RHOBTB2: variants seen among roughly 807,000 people sequenced by gnomAD.
The protein encoded by RHOBTB2 is Rho related BTB domain containing 2.
RHOBTB2 carries 39 observed loss-of-function variants against 66.5 expected under a neutral mutation model. The ratio of observed to expected loss-of-function variants is 0.59; its 90% CI spans 0.45 to 0.77. The LOEUF is 0.77. Among genes scored for constraint, RHOBTB2 ranks in the 30% least tolerant of loss-of-function variants. The pLI, the probability that RHOBTB2 is intolerant of heterozygous loss-of-function variation, is 0.00. For missense variants in RHOBTB2, 755 were observed against 999.1 expected, an observed-to-expected ratio of 0.76 and a Z score of 3.29; for synonymous variants, 390 against 395.0, an observed-to-expected ratio of 0.99 and a Z score of 0.15.
chr8:22,997,669 G>C (rs540397281), upstream of RHOBTB2, among the ~76,000 whole-genome samples: 1 of 152,286 alleles, frequency 6.6e-6, no homozygotes, highest in South Asian at 2.1e-4. Flanking sequence ...GGGTGGACGG[G>C]AGTTCTGTCT....
In RHOBTB2 at chr8:23,015,639, T is replaced by G; in HGVS notation, c.1862T>G (p.Phe621Cys). ...GACGTTCTTCCCTTCTGTCCCCAGTTCCACTGTGCGTACCAGCTGGCCGAC... is the reference window on the plus strand; with the variant it reads ...GACGTTCTTCCCTTCTGTCCCCAGTGCCACTGTGCGTACCAGCTGGCCGAC... ...DVLVFLELAQ[F>C]HCAYQLADWC... The change falls in exon 9 of 10, where the codon TTC becomes TGC. Residue 621 changes from phenylalanine to cysteine, a missense_variant and splice_region_variant. Around this residue, in one of 7 missense-constraint regions of RHOBTB2, gnomAD observed 353 missense variants for 458.2 expected, o/e 0.77. Transcript: ENST00000251822. The G allele has an allele frequency of 6.2e-7, 1 of 1,610,618 alleles. No homozygotes were observed. Among genetic ancestry groups the G allele is most frequent in the Non-Finnish European group, 8.5e-7 (1 of 1,176,954 alleles).
chr8:22,973,707 T>C, the RHOBTB2 span, among the ~76,000 whole-genome samples: 2 of 152,066 alleles, frequency 1.3e-5, no homozygotes, highest in Non-Finnish European at 2.9e-5. Context: ...CATTATATAA[T>C]GAAAATCTCC....
upstream of RHOBTB2, among the ~76,000 whole-genome samples, chr8:22,995,097 T>A (rs542246295): frequency 1.2e-4 from 19 of 152,340 alleles, no homozygotes; most frequent in Non-Finnish European, 2.5e-4. Flanking sequence ...CATTATCTTT[T>A]TTAAAAATTT....
chr8:22,969,117 G>T, the RHOBTB2 span, among the ~76,000 whole-genome samples: 2 of 152,276 alleles, frequency 1.3e-5, no homozygotes, highest in African/African-American at 4.8e-5. Context: ...CACAATCATG[G>T]CGGAAGGTGA....
intron 7 of RHOBTB2, 131 bp downstream of exon 7, chr8:23,010,819 A>G: frequency 1.9e-6 from 2 of 1,040,068 alleles, no homozygotes. Context: ...CATGAAATGG[A>G]ATCTGTTGAC....
At position 23,007,727 on chromosome 8, in the gene RHOBTB2, G is replaced by A. The variant is rs1304390222; in HGVS notation, c.1482G>A (p.Leu494=). Residue 494 remains leucine (L), a synonymous_variant, in exon 5 of 10, where the codon TTG becomes TTA. Coordinates refer to ENST00000251822, the MANE Select transcript of RHOBTB2 (RefSeq NM_015178.3). The stretch of plus-strand genomic sequence containing the variant: ...GGACCAACCGGGTTAAGGAGTGCTT[G>A]GCAAAAGGCACCTTCTCAGGTATGG... The part of the protein sequence containing the change: ...VRRTNRVKEC[L]AKGTFSDVTF... 6.2e-7 allele frequency: 1 copy of A among 1,613,728 alleles called. No homozygotes were observed.
the RHOBTB2 span, among the ~76,000 whole-genome samples, chr8:22,961,430 G>A: frequency 6.6e-6 from 1 of 152,258 alleles, no homozygotes; most frequent in Admixed American, 6.5e-5. Context: ...CTGCCTGCCT[G>A]CCTTGTGGAA....
intron 6 of RHOBTB2, among the ~76,000 whole-genome samples, chr8:23,010,027 A>C (rs1158975664): frequency 6.6e-6 from 1 of 152,128 alleles, no homozygotes; most frequent in African/African-American, 2.4e-5. Flanking sequence ...TCTGTATCCC[A>C]CTTCTGTTCT....
At chr8:22,989,110 T>C (rs1051562476) in intron 1 of RHOBTB2, among the ~76,000 whole-genome samples, 2 of 152,200 alleles carry the variant, frequency 1.3e-5, no homozygotes, top group Admixed American at 1.3e-4. Flanking sequence ...TTTCCTTCAA[T>C]TGAGTTAAAA....
intron 8 of RHOBTB2, among the ~76,000 whole-genome samples, chr8:23,015,130 CCAAA>C (rs775238311): frequency 2.0e-5 from 3 of 152,164 alleles, no homozygotes; most frequent in Non-Finnish European, 4.4e-5. Flanking sequence ...TCCCTTAATC[CCAAA>C]CAAACAAGCC....
At chr8:22,964,175 G>A in the RHOBTB2 span, among the ~76,000 whole-genome samples, 9 of 151,782 alleles carry the variant, frequency 5.9e-5, no homozygotes, top group Admixed American at 1.3e-4. Flanking sequence ...TGCAAGAACC[G>A]CACAGGAAAG....
intron 8 of RHOBTB2, 56 bp from the exon 9 acceptor site, chr8:23,015,582 T>C: frequency 7.8e-7 from 1 of 1,283,682 alleles, no homozygotes; most frequent in South Asian, 1.2e-5. Flanking sequence ...GAGGTGTCTA[T>C]GCAGACCCTC....
At chr8:22,961,689 A>G in the RHOBTB2 span, among the ~76,000 whole-genome samples, 1 of 152,198 alleles carries the variant, frequency 6.6e-6, no homozygotes, top group South Asian at 2.1e-4. Flanking sequence ...GTGTGTCCAC[A>G]GTGGCTCTGA....
At chr8:23,010,419 AG>A in intron 6 of RHOBTB2, 118 bp from the exon 7 acceptor site, 2 of 1,148,026 alleles carry the variant, frequency 1.7e-6, no homozygotes, top group East Asian at 4.8e-5. Context: ...AGCACAGGGA[AG>A]GCTGCCCGTC....
upstream of RHOBTB2, among the ~76,000 whole-genome samples, chr8:22,996,045 C>T (rs1337343808): frequency 6.6e-6 from 1 of 152,220 alleles, no homozygotes; most frequent in African/African-American, 2.4e-5. Flanking sequence ...GCCGGGGAGC[C>T]TGCTGCGCTT....
chr8:23,015,550 G>A, intron 8 of RHOBTB2, 88 bp from the exon 9 acceptor site: 1 of 893,082 alleles, frequency 1.1e-6, no homozygotes, highest in South Asian at 1.5e-5. Context: ...CTGCACCAGA[G>A]CTTCAGCTCT....
the RHOBTB2 span, among the ~76,000 whole-genome samples, chr8:22,964,401 G>T: frequency 6.6e-6 from 1 of 152,134 alleles, no homozygotes. Context: ...TGGGGCAAAG[G>T]TGTTCCATGT....
chr8:22,988,960 T>C (rs1446480889), intron 1 of RHOBTB2, among the ~76,000 whole-genome samples: 2 of 152,180 alleles, frequency 1.3e-5, no homozygotes, highest in South Asian at 2.1e-4. Context: ...GCTGGCCCTG[T>C]TAAGTTCACC....
At chr8:23,016,536 C>T (rs555944747) in intron 9 of RHOBTB2, among the ~76,000 whole-genome samples, 2 of 152,096 alleles carry the variant, frequency 1.3e-5, no homozygotes, top group Non-Finnish European at 2.9e-5. Flanking sequence ...CTCAGCCTCC[C>T]GGGTAGCTGG....
Sources: gnomAD v4.1 joint callset for allele counts (sites outside exome capture counted in the v4.1 genomes callset) on GRCh38, gnomAD v4.1.1 for gene constraint, gnomAD v4.1.1 regional missense constraint, MANE v1.5 for transcripts, NCBI Gene and HGNC (gene_info 2026-07-23, HGNC 2026-07-21) for gene names.